Variants in NR5A2 observed in about 807,000 individuals in gnomAD.
The protein encoded by NR5A2 is nuclear receptor subfamily 5 group A member 2.
NR5A2 carries 26 observed loss-of-function variants against 62.7 expected under a neutral mutation model. The ratio of observed to expected loss-of-function variants is 0.41; its 90% CI spans 0.30 to 0.58. The LOEUF (loss-of-function observed/expected upper bound fraction) is 0.58. Ranked by LOEUF, NR5A2 falls within the 20% of genes least tolerant of loss-of-function variation. The probability of loss-of-function intolerance (pLI) is 0.22; values close to 1 mark genes in which losing one functional copy is unlikely to be tolerated. For synonymous variants in NR5A2, 246 were observed against 241.7 expected, an observed-to-expected ratio of 1.02 and a Z score of -0.16; for missense variants, 541 against 669.1, an observed-to-expected ratio of 0.81 and a Z score of 2.11.
At chr1:200,119,385 G>A (rs1342359165) in intron 6 of NR5A2, among the ~76,000 whole-genome samples, 1 of 152,120 alleles carries the variant, frequency 6.6e-6, no homozygotes, top group Non-Finnish European at 1.5e-5. Context: ...TGGCAGATGA[G>A]GACTTGCCTC....
At chr1:200,079,498 G>A (rs1202916438) in intron 5 of NR5A2, among the ~76,000 whole-genome samples, 1 of 152,234 alleles carries the variant, frequency 6.6e-6, no homozygotes, top group Non-Finnish European at 1.5e-5. Flanking sequence ...GCCCTGGAGC[G>A]ATTCCACAAG....
At chr1:200,144,268 CACAG>C (rs1306162048) in intron 7 of NR5A2, among the ~76,000 whole-genome samples, 11 of 150,722 alleles carry the variant, frequency 7.3e-5, no homozygotes, top group African/African-American at 2.2e-4. Context: ...CACACACACA[CACAG>C]AACAACACTC....
intron 3 of NR5A2, 23 bp from the exon 4 acceptor site, chr1:200,045,420 T>C (rs201988961): frequency 3.7e-4 from 571 of 1,557,686 alleles, no homozygotes; most frequent in Non-Finnish European, 4.4e-4. Flanking sequence ...ATAATACGTC[T>C]CACTATTTTC....
At chr1:200,064,162 AAG>A (rs1263467097) in intron 5 of NR5A2, among the ~76,000 whole-genome samples, 2 of 152,020 alleles carry the variant, frequency 1.3e-5, no homozygotes, top group South Asian at 2.1e-4. Flanking sequence ...AAAAAAAAAA[AAG>A]GACGAGAGCC....
chr1:200,152,521 TAACAAACAGG>T (rs1653178985), intron 7 of NR5A2, among the ~76,000 whole-genome samples: 1 of 152,184 alleles, frequency 6.6e-6, no homozygotes. Context: ...AATATTACAG[TAACAAACAGG>T]AAACAAACTA....
intron 7 of NR5A2, among the ~76,000 whole-genome samples, chr1:200,167,843 G>T (rs1414024762): frequency 6.6e-6 from 1 of 152,128 alleles, no homozygotes; most frequent in Non-Finnish European, 1.5e-5. Flanking sequence ...GCGTTGCTCA[G>T]CTCATTCTAA....
At chr1:200,066,605 T>TTTTTTTTTGG (rs71132651) in intron 5 of NR5A2, among the ~76,000 whole-genome samples, 1 of 148,500 alleles carries the variant, frequency 6.7e-6, no homozygotes, top group African/African-American at 2.5e-5. Context: ...TTTTTTTTTT[T>TTTTTTTTTGG]GAGAGGGAGT....
chr1:200,102,151 AC>A (rs1665403328), intron 5 of NR5A2, among the ~76,000 whole-genome samples: 1 of 152,238 alleles, frequency 6.6e-6, no homozygotes, highest in Non-Finnish European at 1.5e-5. Flanking sequence ...TATCGTGTAT[AC>A]CATGCGGATG....
At chr1:200,046,486 A>G (rs189095726) in intron 4 of NR5A2, among the ~76,000 whole-genome samples, 16 of 152,272 alleles carry the variant, frequency 1.1e-4, no homozygotes, top group Admixed American at 7.2e-4. Flanking sequence ...TATTTGATCA[A>G]TGAGGCACAG....
chr1:200,173,561 G>A (rs1654280173), intron 7 of NR5A2, among the ~76,000 whole-genome samples: 1 of 152,188 alleles, frequency 6.6e-6, no homozygotes, highest in Non-Finnish European at 1.5e-5. Flanking sequence ...CCTTGGGTCA[G>A]AAAAATTAAT....
chr1:200,106,207 G>A (rs947234267), intron 5 of NR5A2, among the ~76,000 whole-genome samples: 1 of 152,036 alleles, frequency 6.6e-6, no homozygotes, highest in Non-Finnish European at 1.5e-5. Flanking sequence ...ACAGGCACCC[G>A]CCACCATGCC....
intron 7 of NR5A2, among the ~76,000 whole-genome samples, chr1:200,168,188 T>C (rs995233168): frequency 1.3e-5 from 2 of 151,712 alleles, no homozygotes; most frequent in African/African-American, 4.9e-5. Flanking sequence ...TGTACATATA[T>C]AGTATATACA....
At chr1:200,089,289 A>C (rs933057610) in intron 5 of NR5A2, among the ~76,000 whole-genome samples, 6 of 152,102 alleles carry the variant, frequency 3.9e-5, no homozygotes, top group African/African-American at 1.2e-4. Flanking sequence ...ATCTCGGCTC[A>C]CTGCAACCTC....
rs143098878 is a variant in NR5A2, at chr1:200,096,703, G to A, written c.1111-14499G>A. On this transcript the variant is annotated intron_variant, in intron 5 of 7. Transcript: ENST00000367362. Reference sequence around the variant, plus strand: ...CACAGTACATCGTGCACAGCATAACGATGCTTCATAAATGATGGACTGCAT... The same window carrying A: ...CACAGTACATCGTGCACAGCATAACAATGCTTCATAAATGATGGACTGCAT... Among the ~76,000 whole-genome samples the A allele has an allele frequency of 1.2e-3, 181 of 152,282 alleles. 1 individual carries two copies. Among genetic ancestry groups the A allele is most frequent in the South Asian group, 8.5e-3 (41 of 4,830 alleles).
intron 5 of NR5A2, 117 bp from the exon 6 acceptor site, chr1:200,111,085 G>A (rs566386710): frequency 5.4e-5 from 63 of 1,174,548 alleles, no homozygotes; most frequent in Non-Finnish European, 8.1e-6. Flanking sequence ...CATGGGTGGA[G>A]ACTTTCTTGT....
At chr1:200,172,457 T>G (rs906187670) in intron 7 of NR5A2, among the ~76,000 whole-genome samples, 4 of 152,210 alleles carry the variant, frequency 2.6e-5, no homozygotes, top group African/African-American at 4.8e-5. Context: ...GTATTTATGT[T>G]TGTACAACTC....
At chr1:200,104,125 A>G (rs563791921) in intron 5 of NR5A2, among the ~76,000 whole-genome samples, 5 of 152,336 alleles carry the variant, frequency 3.3e-5, no homozygotes, top group Admixed American at 1.3e-4. Context: ...GTTGATAGAT[A>G]GGACTTTGTA....
intron 7 of NR5A2, among the ~76,000 whole-genome samples, chr1:200,144,214 TTC>T (rs143043558): frequency 0.025 from 3,408 of 135,290 alleles, 63 homozygotes; most frequent in South Asian, 0.036. Flanking sequence ...CCAGCACTGT[TTC>T]TCTCTCTCTC....
chr1:200,068,344 T>TA (rs1663590051), intron 5 of NR5A2, among the ~76,000 whole-genome samples: 1 of 152,224 alleles, frequency 6.6e-6, no homozygotes, highest in Non-Finnish European at 1.5e-5. Flanking sequence ...ATAACCCTGC[T>TA]AATAGCAATG....
Sources: gnomAD v4.1 joint callset for allele counts (sites outside exome capture counted in the v4.1 genomes callset) on GRCh38, gnomAD v4.1.1 for gene constraint, MANE v1.5 for transcripts, NCBI Gene and HGNC (gene_info 2026-07-23, HGNC 2026-07-21) for gene names.